DOCK4: variants seen among roughly 807,000 people sequenced by gnomAD.
The protein encoded by DOCK4 is dedicator of cytokinesis 4.
In DOCK4, 97 loss-of-function variants were observed where a neutral mutation model predicts 268.1. The observed-to-expected ratio is 0.36, with a 90% CI of 0.31 to 0.43. The LOEUF (loss-of-function observed/expected upper bound fraction) is 0.43. Ranked by LOEUF, DOCK4 falls within the 20% of genes least tolerant of loss-of-function variation. The pLI, the probability that DOCK4 is intolerant of heterozygous loss-of-function variation, is 1.00. For missense variants in DOCK4, 2,145 were observed against 2,455.7 expected (o/e 0.87, Z 2.67); for synonymous variants, 954 against 887.2 (o/e 1.08, Z -1.34).
At chr7:112,120,777 G>A (rs996065969) in intron 1 of DOCK4, among the ~76,000 whole-genome samples, 2 of 152,094 alleles carry the variant, frequency 1.3e-5, no homozygotes, top group South Asian at 4.1e-4. Context: ...GAATATTAAT[G>A]ACCTCAGAGG....
chr7:111,779,338 T>C (rs1361042688), intron 35 of DOCK4, among the ~76,000 whole-genome samples: 3 of 152,202 alleles, frequency 2.0e-5, no homozygotes, highest in African/African-American at 7.2e-5. Flanking sequence ...ATTTAGATCT[T>C]AGGAAATATC....
intron 1 of DOCK4, among the ~76,000 whole-genome samples, chr7:112,020,197 C>A (rs1177891255): frequency 1.3e-5 from 2 of 152,154 alleles, no homozygotes; most frequent in Non-Finnish European, 2.9e-5. Context: ...TAATATTTTC[C>A]TTTCTTTGCC....
At chr7:111,748,649 G>C (rs1796434635) in intron 42 of DOCK4, among the ~76,000 whole-genome samples, 1 of 152,082 alleles carries the variant, frequency 6.6e-6, no homozygotes, top group South Asian at 2.1e-4. Context: ...CTCAATTACT[G>C]CTACTGGAAG....
At chr7:112,073,194 A>G (rs1586765717) in intron 1 of DOCK4, among the ~76,000 whole-genome samples, 1 of 152,096 alleles carries the variant, frequency 6.6e-6, no homozygotes, top group East Asian at 1.9e-4. Context: ...CATTTTGTCT[A>G]TGTCCCTCTA....
chr7:111,746,254 G>A (rs1287951428), intron 44 of DOCK4, 80 bp downstream of exon 44: 4 of 1,148,590 alleles, frequency 3.5e-6, no homozygotes, highest in Non-Finnish European at 3.8e-6. Context: ...ACTGATGCAG[G>A]AAACCATGCA....
intron 1 of DOCK4, among the ~76,000 whole-genome samples, chr7:112,110,030 C>T (rs1420662719): frequency 1.3e-5 from 2 of 152,140 alleles, no homozygotes; most frequent in Non-Finnish European, 2.9e-5. Context: ...AGGCGTGAGC[C>T]ACCGCGCCCG....
At chr7:111,933,057 TATATATATAC>T (rs1794328649) in intron 12 of DOCK4, among the ~76,000 whole-genome samples, 1 of 149,352 alleles carries the variant, frequency 6.7e-6, no homozygotes, top group African/African-American at 2.5e-5. Context: ...GAGAAGTGTG[TATATATATAC>T]ATATATATAC....
rs181230491 is a variant in DOCK4, at chr7:111,783,074, C to T, written c.3525-150G>A. The T allele has an allele frequency of 1.3e-5, 9 of 685,480 alleles. No individual in the cohort carries two copies. In the Admixed American group the frequency reaches 1.4e-4, roughly 11 times the overall value. The allele number at this position is 685,480 out of a possible 1,614,324, so 42.5% of individuals were successfully genotyped here. On this transcript the variant is annotated intron_variant, in intron 34 of 52. Coordinates refer to ENST00000428084, the MANE Select transcript of DOCK4 (RefSeq NM_001363540.2). The stretch of plus-strand genomic sequence containing the variant: ...GACCAGAGGCAATTTGCATTGCAAG[C>T]GTTCGTTCATTTAGATACATGTTCC...
chr7:111,916,270 A>G (rs1792578557), intron 12 of DOCK4, among the ~76,000 whole-genome samples: 2 of 152,140 alleles, frequency 1.3e-5, no homozygotes, highest in African/African-American at 4.8e-5. Context: ...ACTGACATCA[A>G]AATGGGAGGT....
rs376263982 is a variant in DOCK4, at chr7:112,173,441, G to T, written c.37+32661C>A. On this transcript the variant is annotated intron_variant, in intron 1 of 52. Coordinates refer to ENST00000428084, the MANE Select transcript of DOCK4 (RefSeq NM_001363540.2). ...TGGCGAGGCAGCTGTTTTACAGGCA[G>T]CAGGCCTTCTTACCCTGGTTCCCTA... 2.1e-3 allele frequency among the ~76,000 whole-genome samples: 327 copies of T among 152,232 alleles called. 1 individual carries two copies. The highest frequency in any genetic ancestry group is 7.6e-3 in the African/African-American group (314 of 41,558).
chr7:112,019,189 AAAATT>A (rs1193559675), intron 1 of DOCK4, among the ~76,000 whole-genome samples: 2 of 152,224 alleles, frequency 1.3e-5, no homozygotes, highest in Non-Finnish European at 2.9e-5. Context: ...TCAACGTTCA[AAAATT>A]AAATTGAGGA....
chr7:112,185,217 C>T (rs1819401182), intron 1 of DOCK4, among the ~76,000 whole-genome samples: 1 of 152,334 alleles, frequency 6.6e-6, no homozygotes, highest in Non-Finnish European at 1.5e-5. Context: ...CTGCTGTTCT[C>T]ATCAGAAGCT....
chr7:112,048,785 T>A (rs921295103), intron 1 of DOCK4, among the ~76,000 whole-genome samples: 4 of 152,024 alleles, frequency 2.6e-5, no homozygotes, highest in Admixed American at 1.3e-4. Context: ...CTTTTTTTTT[T>A]ATTTTAAGTT....
chr7:111,818,231 C>T (rs1711549249), intron 27 of DOCK4, among the ~76,000 whole-genome samples: 1 of 152,176 alleles, frequency 6.6e-6, no homozygotes. Flanking sequence ...TCCAAGGTTT[C>T]AAATCCTAAC....
At chr7:112,109,409 A>G (rs932732344) in intron 1 of DOCK4, among the ~76,000 whole-genome samples, 2 of 152,068 alleles carry the variant, frequency 1.3e-5, no homozygotes, top group Admixed American at 6.6e-5. Flanking sequence ...CACAGAGAAG[A>G]AAAAAAATGT....
rs148133436 is a variant in DOCK4 at position 111,765,569 on chromosome 7, G to A, written c.3916-347C>T. On this transcript the variant is annotated intron_variant, in intron 38 of 52. Transcript: ENST00000428084. ...ATTTCTATGCATGTAGTCCTATCAA[G>A]AAAAATATTTTCTTCACAATCAAGT... is the stretch of plus-strand genomic sequence containing the variant. Among the ~76,000 whole-genome samples the A allele has an allele frequency of 3.2e-3, 486 of 152,226 alleles. 1 individual carries two copies. The highest frequency in any genetic ancestry group is 0.01 in the Middle Eastern group (3 of 294).
intron 1 of DOCK4, among the ~76,000 whole-genome samples, chr7:112,092,604 C>A (rs896762471): frequency 1.3e-5 from 2 of 152,126 alleles, no homozygotes; most frequent in Non-Finnish European, 2.9e-5. Context: ...CTCTTCAAAG[C>A]AACATCTAAA....
chr7:112,014,586 G>A (rs1158781804), intron 1 of DOCK4, among the ~76,000 whole-genome samples: 1 of 152,168 alleles, frequency 6.6e-6, no homozygotes, highest in Non-Finnish European at 1.5e-5. Flanking sequence ...ACACCTCACA[G>A]AGTTCTACAC....
intron 12 of DOCK4, among the ~76,000 whole-genome samples, chr7:111,931,571 G>A (rs1196831918): frequency 3.3e-5 from 5 of 152,164 alleles, no homozygotes; most frequent in Non-Finnish European, 5.9e-5. Context: ...AAACCAGGAA[G>A]AGATATTAGC....
Sources: gnomAD v4.1 joint callset for allele counts (sites outside exome capture counted in the v4.1 genomes callset) on GRCh38, gnomAD v4.1.1 for gene constraint, MANE v1.5 for transcripts, NCBI Gene and HGNC (gene_info 2026-07-23, HGNC 2026-07-21) for gene names.